The following EPB41L3 variants were observed in gnomAD, a reference collection of about 807,000 sequenced individuals.
The protein encoded by EPB41L3 is band 4.1-like protein 3.
A neutral mutation model predicts 127.1 loss-of-function variants in EPB41L3; 57 were observed. The observed-to-expected ratio is 0.45, with a 90% CI of 0.36 to 0.56. The LOEUF is 0.56. Among genes scored for constraint, EPB41L3 ranks in the 20% least tolerant of loss-of-function variants. The pLI is 0.00. For synonymous variants in EPB41L3, 572 were observed against 549.5 expected, an observed-to-expected ratio of 1.04 and a Z score of -0.57; for missense variants, 1,273 against 1,372.2, an observed-to-expected ratio of 0.93 and a Z score of 1.14.
chr18:5,487,790 GA>G (rs200148406), intron 2 of EPB41L3, among the ~76,000 whole-genome samples: 1,500 of 124,044 alleles, frequency 0.012, 6 homozygotes, highest in Middle Eastern at 0.02. Flanking sequence ...GTATAAAATT[GA>G]AAAAAAAAAA....
chr18:5,400,990 G>A (rs1430512223), intron 16 of EPB41L3: 16 of 1,532,968 alleles, frequency 1.0e-5, no homozygotes, highest in Admixed American at 3.9e-5. Flanking sequence ...GGAATGGAGC[G>A]CTTCCTTGCT....
intron 3 of EPB41L3, among the ~76,000 whole-genome samples, chr18:5,604,254 CTTT>C (rs34050346): frequency 6.7e-6 from 1 of 148,150 alleles, no homozygotes; most frequent in African/African-American, 2.5e-5. Context: ...TTGACTTACT[CTTT>C]TTTTTTTAAT....
In EPB41L3 at chr18:5,504,277, C is replaced by T. The variant is rs185502189; in HGVS notation, c.-11-15083G>A. Among the ~76,000 whole-genome samples, 1,239 of 152,170 alleles carry T rather than the reference C, an allele frequency of 8.1e-3. 17 individuals are homozygous for T. The highest frequency in any genetic ancestry group is 0.027 in the African/African-American group (1,108 of 41,474). On this transcript the variant is annotated intron_variant, in intron 1 of 22. Transcript: ENST00000341928. ...CTGAGTTGGGGTCTTGGTCATCTAACAGATTTTTTTTTTAATTTTTTCCCC... is the reference window on the plus strand; with the variant it reads ...CTGAGTTGGGGTCTTGGTCATCTAATAGATTTTTTTTTTAATTTTTTCCCC...
intron 1 of EPB41L3, among the ~76,000 whole-genome samples, chr18:5,498,867 A>G (rs2091464042): frequency 6.6e-6 from 1 of 152,148 alleles, no homozygotes; most frequent in African/African-American, 2.4e-5. Context: ...AGAAACTGCC[A>G]TTGTGCCCTC....
chr18:5,469,608 G>A (rs961104531), intron 3 of EPB41L3, among the ~76,000 whole-genome samples: 1 of 152,164 alleles, frequency 6.6e-6, no homozygotes, highest in Non-Finnish European at 1.5e-5. Flanking sequence ...TGGGCGGAAT[G>A]AGCCCAATGG....
chr18:5,564,050 T>A (rs181385212), intron 3 of EPB41L3, among the ~76,000 whole-genome samples: 2 of 152,192 alleles, frequency 1.3e-5, no homozygotes, highest in Admixed American at 1.3e-4. Context: ...AGACAGCAGA[T>A]CTAACTAAGT....
intron 3 of EPB41L3, among the ~76,000 whole-genome samples, chr18:5,569,362 A>G (rs1316833235): frequency 1.3e-5 from 2 of 152,234 alleles, no homozygotes; most frequent in Non-Finnish European, 2.9e-5. Context: ...GTACATGACT[A>G]AAACAGTAAT....
At chr18:5,573,813 A>G (rs1355905612) in intron 3 of EPB41L3, among the ~76,000 whole-genome samples, 1 of 152,230 alleles carries the variant, frequency 6.6e-6, no homozygotes, top group African/African-American at 2.4e-5. Context: ...ATGTTTTTAA[A>G]AAGTCAAGAA....
chr18:5,629,251 G>GGGAGAT (rs1377421573), upstream of EPB41L3, among the ~76,000 whole-genome samples: 1 of 151,942 alleles, frequency 6.6e-6, no homozygotes, highest in East Asian at 1.9e-4. Context: ...TGGGGGTACC[G>GGGAGAT]GGAGCTGGAG....
At chr18:5,419,665 T>A in intron 12 of EPB41L3, 46 bp downstream of exon 12, 1 of 1,609,458 alleles carries the variant, frequency 6.2e-7, no homozygotes, top group African/African-American at 1.3e-5. Flanking sequence ...ATTTAGTCAT[T>A]CTTAAAAGCT....
At chr18:5,613,193 A>C (rs1048665676) in intron 2 of EPB41L3, among the ~76,000 whole-genome samples, 1 of 152,144 alleles carries the variant, frequency 6.6e-6, no homozygotes, top group Non-Finnish European at 1.5e-5. Context: ...TCTCTTAAGG[A>C]AGTGAGTGAC....
intron 9 of EPB41L3, among the ~76,000 whole-genome samples, chr18:5,427,302 T>C (rs573036710): frequency 6.6e-6 from 1 of 152,208 alleles, no homozygotes; most frequent in Non-Finnish European, 1.5e-5. Context: ...CTTTGAGCTT[T>C]GACTGCCTCT....
intron 8 of EPB41L3, among the ~76,000 whole-genome samples, chr18:5,429,049 A>G (rs1478669775): frequency 1.3e-5 from 2 of 152,198 alleles, no homozygotes; most frequent in East Asian, 3.9e-4. Flanking sequence ...TCAGAGTAAA[A>G]TTTAAATACG....
chr18:5,421,427 AT>A (rs899644858), intron 11 of EPB41L3, among the ~76,000 whole-genome samples: 33 of 152,334 alleles, frequency 2.2e-4, no homozygotes, highest in African/African-American at 7.9e-4. Flanking sequence ...AAAAGCTTCA[AT>A]GTTAACATCG....
Position 5,395,659 on chromosome 18 carries a change from T to G in EPB41L3, c.3022A>C (p.Thr1008Pro). Residue 1008 changes from threonine (T) to proline (P), a missense_variant, in exon 20 of 23, where the codon ACG becomes CCG. Coordinates refer to ENST00000341928, the MANE Select transcript of EPB41L3 (RefSeq NM_012307.5). ...GTACTGGTGGTTTCAGATGTGATCGTCTGTGCACTCATCAGCACGCCTGGC... is the reference window on the plus strand; with the variant it reads ...GTACTGGTGGTTTCAGATGTGATCGGCTGTGCACTCATCAGCACGCCTGGC... ...LEPGVLMSAQ[T>P]ITSETTSTTT... 3 of 1,614,178 alleles carry G rather than the reference T, an allele frequency of 1.9e-6. No homozygotes were observed. The highest frequency in any genetic ancestry group is 1.7e-6 in the Non-Finnish European group (2 of 1,180,026).
At position 5,400,999 on chromosome 18, in the gene EPB41L3, C is replaced by T. The variant is rs1377109045; in HGVS notation, c.2350-2856G>A. The T allele has an allele frequency of 2.6e-6, 4 of 1,533,956 alleles. No individual in the cohort carries two copies. In the African/African-American group the frequency reaches 4.1e-5, roughly 16 times the overall value. The stretch of plus-strand genomic sequence containing the variant: ...ACTCAAGGAATGGAGCGCTTCCTTG[C>T]TGCAAAAATATAACTTTTTCAGAAA... On this transcript the variant is annotated intron_variant, in intron 16 of 22. Coordinates refer to ENST00000341928, the MANE Select transcript of EPB41L3 (RefSeq NM_012307.5).
intron 15 of EPB41L3, 107 bp downstream of exon 15, chr18:5,407,594 C>A: frequency 8.6e-7 from 1 of 1,168,916 alleles, no homozygotes. Flanking sequence ...AACATGGTAA[C>A]CAGCTACAGA....
Position 5,525,055 on chromosome 18 carries a change from T to C in EPB41L3, c.-12+18858A>G, listed in dbSNP as rs143489921. Among the ~76,000 whole-genome samples the C allele has an allele frequency of 1.0e-3, 154 of 152,324 alleles. 2 individuals carry two copies. Among genetic ancestry groups the C allele is most frequent in the African/African-American group, 3.6e-3 (149 of 41,568 alleles). On this transcript the variant is annotated intron_variant, in intron 1 of 22. Coordinates refer to ENST00000341928, the MANE Select transcript of EPB41L3 (RefSeq NM_012307.5). ...CATTCATTCGTGGCAGAAAACCCAG[T>C]TTTAACACAGACATGCCATATTTCA...
intron 1 of EPB41L3, among the ~76,000 whole-genome samples, chr18:5,506,970 C>G (rs758649151): frequency 3.0e-4 from 45 of 152,290 alleles, no homozygotes; most frequent in Middle Eastern, 3.4e-3. Context: ...ACAGTCCAAC[C>G]TAGTGAAAAG....
Sources: allele counts gnomAD v4.1 joint callset (sites outside exome capture counted in the v4.1 genomes callset), GRCh38; gene constraint gnomAD v4.1.1; transcripts MANE v1.5; gene names NCBI Gene and HGNC (gene_info 2026-07-23, HGNC 2026-07-21).